ATPAF1: variants seen among roughly 807,000 people sequenced by gnomAD.
ATPAF1 encodes the protein ATP synthase mitochondrial F1 complex assembly factor 1.
In ATPAF1, 26 loss-of-function variants were observed where a neutral mutation model predicts 43.9. The observed-to-expected ratio is 0.59, with a 90% CI of 0.43 to 0.82. The LOEUF (loss-of-function observed/expected upper bound fraction) is 0.82. ATPAF1 is among the 40% of genes least tolerant of loss of function. The pLI is 0.00. For missense variants in ATPAF1, 366 were observed against 435.0 expected (o/e 0.84, Z 1.41); for synonymous variants, 157 against 168.0 (o/e 0.93, Z 0.50).
rs564370183 is a variant in ATPAF1 at position 46,645,804 on chromosome 1, T to C, written c.589-548A>G. 1.4e-4 allele frequency among the ~76,000 whole-genome samples: 21 copies of C among 152,364 alleles called. No homozygotes were observed. The South Asian group carries it at 3.3e-3, about 24-fold the overall frequency. On this transcript the variant is annotated intron_variant, in intron 6 of 8. Coordinates refer to ENST00000574428, the Ensembl canonical transcript of ATPAF1. ...AATCCCATCCCAGAGTTAACATCTA[T>C]CCAGCATTTGGTGTCTATCCTCCTT...
At chr1:46,643,069 TA>T in intron 8 of ATPAF1, 124 bp downstream of exon 8, 1 of 754,684 alleles carries the variant, frequency 1.3e-6, no homozygotes, top group Non-Finnish European at 2.2e-6. Context: ...CTGTCAACTT[TA>T]AAATAAGTAA....
chr1:46,642,570 G>A (rs1354789620), intron 8 of ATPAF1, among the ~76,000 whole-genome samples: 10 of 152,138 alleles, frequency 6.6e-5, no homozygotes, highest in Non-Finnish European at 2.9e-5. Context: ...GGGAAAAGGA[G>A]GAAAGAAAAA....
intron 4 of ATPAF1, among the ~76,000 whole-genome samples, chr1:46,655,603 T>C (rs1676256250): frequency 1.3e-5 from 2 of 152,336 alleles, no homozygotes; most frequent in South Asian, 4.1e-4. Context: ...CAATATTGTG[T>C]CTTTTCATTA....
chr1:46,653,766 G>C lies in ATPAF1; in HGVS notation c.540+51C>G. 6.4e-7 allele frequency: 1 copy of C among 1,564,348 alleles called. No homozygotes were observed. Among genetic ancestry groups the C allele is most frequent in the Non-Finnish European group, 8.8e-7 (1 of 1,141,992 alleles). On this transcript the variant is annotated intron_variant, in intron 5 of 8. Transcript: ENST00000574428. This position sits in a 1 kb window ranked among gnomAD's most constrained non-coding sequence, Gnocchi z 4.8. ...AAGGCAACTGCCTGCTAAGGTTAGA[G>C]AACTGACTTTCATGTTGTAACACTT...
At chr1:46,656,821 A>C (rs767228507) in intron 4 of ATPAF1, among the ~76,000 whole-genome samples, 62 of 152,314 alleles carry the variant, frequency 4.1e-4, no homozygotes, top group Non-Finnish European at 4.4e-4. Context: ...GACACTTTGC[A>C]TATGCCTCTA....
rs907140946 is a variant in ATPAF1, at chr1:46,668,263, GGCCACCTGCAGGACCGCCGGTCCCGC to G, written c.34_59del (p.Ala12ArgfsTer76). On this transcript the variant is annotated frameshift_variant, in exon 1 of 9. Transcript: ENST00000574428. LOFTEE classifies it high-confidence loss of function. The surrounding 1 kb of genome is among the most constrained non-coding windows in gnomAD (Gnocchi z 4.4). Reference sequence around the variant, plus strand: ...CCGCGCACAGGCCCCGGTAGAGACCGGCCACCTGCAGGACCGCCGGTCCCGCGCCACCCGCAGCCGCCACCACCACA... The same window carrying G: ...CCGCGCACAGGCCCCGGTAGAGACCGGCCACCCGCAGCCGCCACCACCACA... The G allele has an allele frequency of 7.2e-7, 1 of 1,389,626 alleles. No homozygotes were observed. Among genetic ancestry groups the G allele is most frequent in the African/African-American group, 1.5e-5 (1 of 66,608 alleles). The allele number at this position is 1,389,626 out of a possible 1,614,324, so 86.1% of individuals were successfully genotyped here.
In ATPAF1 at chr1:46,665,863, T is replaced by C. The variant is rs1676482162; in HGVS notation, c.267-499A>G. ...GCAGAAGATTTAGCATCTGAGTATC[T>C]CCCTAACCTACCCTCCAAAGAAGCT... On this transcript the variant is annotated intron_variant, in intron 1 of 8. Transcript: ENST00000574428. 1.3e-5 allele frequency: 19 copies of C among 1,413,726 alleles called. No individual in the cohort carries two copies. The South Asian group carries it at 2.4e-4, about 18-fold the overall frequency. 87.6% of individuals were successfully genotyped at this position (1,413,726 alleles called of 1,614,324 possible).
intron 1 of ATPAF1, 194 bp from the exon 2 acceptor site, chr1:46,665,558 G>GT: frequency 8.2e-7 from 1 of 1,217,016 alleles, no homozygotes; most frequent in Middle Eastern, 1.9e-4. Flanking sequence ...TTATTCAACT[G>GT]TTGTTAATCC....
intron 7 of ATPAF1, among the ~76,000 whole-genome samples, chr1:46,644,143 G>C (rs1351214927): frequency 2.6e-5 from 4 of 152,002 alleles, no homozygotes; most frequent in South Asian, 2.1e-4. Flanking sequence ...TATGTTTCTG[G>C]ATCTTTCTCC....
chr1:46,656,684 T>C (rs553851992), intron 4 of ATPAF1, among the ~76,000 whole-genome samples: 55 of 152,330 alleles, frequency 3.6e-4, no homozygotes, highest in African/African-American at 1.3e-3. Context: ...CCTAAAACTA[T>C]AGGTCTCAAT....
chr1:46,665,659 T>C (rs1049231089), intron 1 of ATPAF1: 2 of 1,535,344 alleles, frequency 1.3e-6, no homozygotes, highest in Non-Finnish European at 1.7e-6. Context: ...TCAGGGTACT[T>C]AGAATTTTGA....
intron 6 of ATPAF1, among the ~76,000 whole-genome samples, chr1:46,648,863 C>T (rs563919596): frequency 6.6e-6 from 1 of 152,154 alleles, no homozygotes; most frequent in South Asian, 2.1e-4. Flanking sequence ...CATGTAACTT[C>T]AGCTACTCAC....
intron 2 of ATPAF1, chr1:46,664,637 G>A (rs999107882): frequency 2.6e-5 from 4 of 152,350 alleles, no homozygotes; most frequent in Non-Finnish European, 4.4e-5. Context: ...ACATGGGAAT[G>A]GATGGGGGTG....
intron 7 of ATPAF1, 121 bp downstream of exon 7, chr1:46,645,040 C>T (rs1258053): frequency 0.66 from 521,852 of 788,118 alleles, 180,757 homozygotes; most frequent in Non-Finnish European, 0.74. Flanking sequence ...AATTCATCTG[C>T]GCCACAATAA....
chr1:46,665,093 G>T, intron 2 of ATPAF1, 163 bp downstream of exon 2: 2 of 663,066 alleles, frequency 3.0e-6, no homozygotes, highest in Non-Finnish European at 5.2e-6. Flanking sequence ...ACTTTGCCTA[G>T]AAAGAGCAGG....
chr1:46,643,189 CT>C lies in ATPAF1; in HGVS notation c.792+4del, dbSNP rs1195877529. On this transcript the variant is annotated splice_donor_region_variant and intron_variant, in intron 8 of 8. Coordinates refer to ENST00000574428, the Ensembl canonical transcript of ATPAF1. ...ATCCAAAGAGTTTTGCAAGTTAATT[CT>C]TACCAGAAATGTGGAATCCATTTCT... 8 of 1,607,930 alleles carry C rather than the reference CT, an allele frequency of 5.0e-6. No individual in the cohort carries two copies. The highest frequency in any genetic ancestry group is 6.0e-6 in the Non-Finnish European group (7 of 1,174,842).
chr1:46,662,558 C>T (rs1291478101), intron 2 of ATPAF1, among the ~76,000 whole-genome samples: 1 of 151,870 alleles, frequency 6.6e-6, no homozygotes, highest in Non-Finnish European at 1.5e-5. Context: ...TCCCAAGTAG[C>T]TGGGATTACA....
At chr1:46,642,303 G>T (rs1488857788) in intron 8 of ATPAF1, among the ~76,000 whole-genome samples, 4 of 152,278 alleles carry the variant, frequency 2.6e-5, no homozygotes, top group African/African-American at 4.8e-5. Context: ...CTATGCAGCT[G>T]GTAAGAGAAA....
chr1:46,656,303 A>C (rs1025864940), intron 4 of ATPAF1, among the ~76,000 whole-genome samples: 2 of 152,222 alleles, frequency 1.3e-5, no homozygotes, highest in Non-Finnish European at 2.9e-5. Context: ...AGAGTGAGCT[A>C]GTGTTGAAGA....
Sources: allele counts gnomAD v4.1 joint callset (sites outside exome capture counted in the v4.1 genomes callset), GRCh38; gene constraint gnomAD v4.1.1; non-coding constraint Gnocchi (gnomAD v3.1); transcripts MANE v1.5; gene names NCBI Gene and HGNC (gene_info 2026-07-23, HGNC 2026-07-21).